The following CNTNAP2 variants were observed in gnomAD, a reference collection of about 807,000 sequenced individuals.
The protein encoded by CNTNAP2 is contactin associated protein 2.
A neutral mutation model predicts 155.2 loss-of-function variants in CNTNAP2; 98 were observed. The ratio of observed to expected loss-of-function variants is 0.63; its 90% CI spans 0.54 to 0.75. CNTNAP2 has a LOEUF of 0.75. Among genes scored for constraint, CNTNAP2 ranks in the 30% least tolerant of loss-of-function variants. The pLI, the probability that CNTNAP2 is intolerant of heterozygous loss-of-function variation, is 0.00. For missense variants in CNTNAP2, 1,727 were observed against 1,688.1 expected (o/e 1.02, Z -0.40); for synonymous variants, 651 against 631.2 (o/e 1.03, Z -0.47).
chr7:146,180,493 A>T (rs1798534860), intron 1 of CNTNAP2, among the ~76,000 whole-genome samples: 1 of 152,094 alleles, frequency 6.6e-6, no homozygotes, highest in Admixed American at 6.6e-5. Flanking sequence ...AAGTCGATAA[A>T]TTTTTAAATT....
intron 1 of CNTNAP2, among the ~76,000 whole-genome samples, chr7:146,321,448 G>A (rs1800999679): frequency 7.0e-6 from 1 of 143,620 alleles, no homozygotes; most frequent in Admixed American, 7.0e-5. Context: ...GATCCCTCTT[G>A]TTTAATTTGC....
At chr7:147,930,481 A>C (rs1271812399) in intron 14 of CNTNAP2, among the ~76,000 whole-genome samples, 1 of 152,256 alleles carries the variant, frequency 6.6e-6, no homozygotes, top group Non-Finnish European at 1.5e-5. Flanking sequence ...GAGACAAAAA[A>C]GGACACTATA....
chr7:147,469,732 A>G (rs185554963), intron 10 of CNTNAP2, among the ~76,000 whole-genome samples: 1 of 151,496 alleles, frequency 6.6e-6, no homozygotes, highest in African/African-American at 2.4e-5. Context: ...GTTAGCCAGG[A>G]TGATCTCGAT....
At chr7:148,285,863 T>G (rs924498971) in intron 21 of CNTNAP2, among the ~76,000 whole-genome samples, 1 of 152,170 alleles carries the variant, frequency 6.6e-6, no homozygotes, top group Non-Finnish European at 1.5e-5. Context: ...GTCAAAATTT[T>G]GCATACAACT....
intron 17 of CNTNAP2, among the ~76,000 whole-genome samples, chr7:148,148,815 T>C (rs1160776374): frequency 6.6e-6 from 1 of 152,242 alleles, no homozygotes; most frequent in Non-Finnish European, 1.5e-5. Context: ...CAATGAGCTT[T>C]GAAAGTGAGA....
At chr7:147,816,472 G>A (rs1481265891) in intron 13 of CNTNAP2, among the ~76,000 whole-genome samples, 1 of 152,160 alleles carries the variant, frequency 6.6e-6, no homozygotes, top group Non-Finnish European at 1.5e-5. Flanking sequence ...TTATGGAAAT[G>A]TAGGGTAAAA....
In CNTNAP2 at chr7:146,612,404, T is replaced by A. The variant is rs544871131; in HGVS notation, c.98-161867T>A. Reference sequence around the variant, plus strand: ...CTAGCATTTCAAGACATAATTTTTTTAAAAATGAAAATTCTAAATTGTTAC... The same window carrying A: ...CTAGCATTTCAAGACATAATTTTTTAAAAAATGAAAATTCTAAATTGTTAC... On this transcript the variant is annotated intron_variant, in intron 1 of 23. Transcript: ENST00000361727. 3.4e-3 allele frequency among the ~76,000 whole-genome samples: 522 copies of A among 152,268 alleles called. 2 individuals carry two copies. The highest frequency in any genetic ancestry group is 5.1e-3 in the Non-Finnish European group (345 of 67,988).
chr7:147,208,624 G>A (rs1239459224), intron 8 of CNTNAP2, among the ~76,000 whole-genome samples: 1 of 151,784 alleles, frequency 6.6e-6, no homozygotes, highest in Non-Finnish European at 1.5e-5. Flanking sequence ...TCTGGGCTTG[G>A]GTTTAAAAAT....
At chr7:146,922,868 A>T (rs935975988) in intron 3 of CNTNAP2, among the ~76,000 whole-genome samples, 6 of 152,254 alleles carry the variant, frequency 3.9e-5, no homozygotes, top group African/African-American at 1.4e-4. Flanking sequence ...TATATCTAAT[A>T]TTTTTTACTC....
chr7:147,130,099 T>C (rs571740452), intron 7 of CNTNAP2, among the ~76,000 whole-genome samples: 193 of 152,174 alleles, frequency 1.3e-3, no homozygotes, highest in African/African-American at 4.6e-3. Flanking sequence ...ATAACTTTTA[T>C]TTTATGAGTA....
chr7:147,037,097 T>C (rs1799164723), intron 3 of CNTNAP2, among the ~76,000 whole-genome samples: 2 of 152,228 alleles, frequency 1.3e-5, no homozygotes, highest in Admixed American at 6.5e-5. Flanking sequence ...AGAAGCTTGA[T>C]TTAGGTAAAT....
chr7:147,913,296 C>T (rs1447860381), intron 14 of CNTNAP2, among the ~76,000 whole-genome samples: 1 of 152,136 alleles, frequency 6.6e-6, no homozygotes, highest in East Asian at 1.9e-4. Flanking sequence ...AGGAATATTC[C>T]ATTTTAATTC....
chr7:146,917,594 C>G (rs918071792), intron 3 of CNTNAP2, among the ~76,000 whole-genome samples: 2 of 151,968 alleles, frequency 1.3e-5, no homozygotes, highest in African/African-American at 4.8e-5. Context: ...TTTGGCTGTG[C>G]CCCCACCCAC....
At chr7:147,690,806 A>G (rs1373267155) in intron 13 of CNTNAP2, among the ~76,000 whole-genome samples, 1 of 152,128 alleles carries the variant, frequency 6.6e-6, no homozygotes, top group Non-Finnish European at 1.5e-5. Context: ...TTTGAGTTGT[A>G]TTGACCTTAA....
chr7:147,017,110 TA>T (rs1411187270), intron 3 of CNTNAP2, among the ~76,000 whole-genome samples: 11 of 152,210 alleles, frequency 7.2e-5, no homozygotes, highest in Middle Eastern at 3.4e-3. Flanking sequence ...TTGATACATT[TA>T]AAAAGGGCTA....
intron 2 of CNTNAP2, among the ~76,000 whole-genome samples, chr7:146,833,865 CAT>C (rs1286054526): frequency 1.3e-5 from 2 of 152,264 alleles, no homozygotes; most frequent in African/African-American, 4.8e-5. Flanking sequence ...ATTTCTTGTG[CAT>C]AGAGATGTTT....
At chr7:146,647,238 C>A (rs1245453042) in intron 1 of CNTNAP2, among the ~76,000 whole-genome samples, 1 of 152,130 alleles carries the variant, frequency 6.6e-6, no homozygotes, top group Non-Finnish European at 1.5e-5. Flanking sequence ...ACCTTTAGGG[C>A]TCCATTCTGG....
chr7:148,118,287 G>C lies in CNTNAP2; in HGVS notation c.2553G>C (p.Lys851Asn). ...AAGATTTCATCAAGCTGGAGCTGAA[G>C]TGTGAGTATAAGTTGCTTGTCAACT... ...GKEDFIKLEL[K>N]SATEVSFSFD... Residue 851 changes from lysine to asparagine, a missense_variant and splice_region_variant, in exon 16 of 24, where the codon AAG becomes AAC. Transcript: ENST00000361727. The C allele has an allele frequency of 6.2e-7, 1 of 1,614,098 alleles. No homozygotes were observed. Among genetic ancestry groups the C allele is most frequent in the Non-Finnish European group, 8.5e-7 (1 of 1,179,990 alleles).
At chr7:147,120,840 C>G (rs1801095694) in intron 5 of CNTNAP2, 139 bp from the exon 6 acceptor site, 1 of 763,260 alleles carries the variant, frequency 1.3e-6, no homozygotes, top group Non-Finnish European at 2.2e-6. Flanking sequence ...TCGTTACTTA[C>G]TGGTATCCCA....
Sources: gnomAD v4.1 joint callset for allele counts (sites outside exome capture counted in the v4.1 genomes callset) on GRCh38, gnomAD v4.1.1 for gene constraint, MANE v1.5 for transcripts, NCBI Gene and HGNC (gene_info 2026-07-23, HGNC 2026-07-21) for gene names.